Variants in PCDHA4 observed in about 807,000 individuals in gnomAD.
PCDHA4 encodes protocadherin alpha-4.
PCDHA4 carries 49 observed loss-of-function variants against 61.4 expected under a neutral mutation model. The ratio of observed to expected loss-of-function variants is 0.80; its 90% confidence interval spans 0.63 to 1.01. The LOEUF is 1.01. PCDHA4 is among the 50% of genes least tolerant of loss of function. The pLI is 0.00. For missense variants in PCDHA4, 1,254 were observed against 1,235.8 expected (o/e 1.01, Z -0.22); for synonymous variants, 590 against 550.3 (o/e 1.07, Z -1.01).
rs2150166927 is a variant in PCDHA4, at chr5:140,829,387, G to A, written c.2385+19815G>A. On this transcript the variant is annotated intron_variant, in intron 1 of 3. Coordinates refer to ENST00000530339, the MANE Select transcript of PCDHA4 (RefSeq NM_018907.4). ...TGGTAACCGCGCGGGACGGGGGCTC[G>A]CCTTCGCTGTGGGCCACCGCCAGCT... 10 of 1,614,054 alleles carry A rather than the reference G, an allele frequency of 6.2e-6. No individual in the cohort carries two copies. The Admixed American group carries it at 1.2e-4, about 19-fold the overall frequency.
intron 1 of PCDHA4, chr5:140,857,341 G>C (rs782659858): frequency 1.3e-6 from 2 of 1,598,438 alleles, no homozygotes; most frequent in Non-Finnish European, 1.7e-6. Context: ...ACGGGGGCTC[G>C]CCTCCGCTGT....
chr5:140,855,736 A>T (rs1422055740), intron 1 of PCDHA4: 3 of 305,736 alleles, frequency 9.8e-6, no homozygotes, highest in African/African-American at 6.5e-5. Context: ...CTATAAAGAG[A>T]CGTAATGTGA....
intron 1 of PCDHA4, chr5:140,828,454 G>A (rs146288766): frequency 6.2e-7 from 1 of 1,614,124 alleles, no homozygotes; most frequent in African/African-American, 1.3e-5. Context: ...ATGTGGACGT[G>A]GAGGTGAGGG....
At chr5:140,850,361 C>T in intron 1 of PCDHA4, 1 of 1,597,860 alleles carries the variant, frequency 6.3e-7, no homozygotes, top group Non-Finnish European at 8.6e-7. Flanking sequence ...GCATCCCGTT[C>T]CGCGTGGGGC....
intron 1 of PCDHA4, among the ~76,000 whole-genome samples, chr5:140,886,851 AG>A (rs2061199020): frequency 6.6e-6 from 1 of 151,608 alleles, no homozygotes; most frequent in South Asian, 2.1e-4. Context: ...AAAAAAAGAA[AG>A]GTCTTCCCAA....
chr5:140,875,363 A>G, intron 1 of PCDHA4: 1 of 1,449,052 alleles, frequency 6.9e-7, no homozygotes, highest in Non-Finnish European at 9.1e-7. Flanking sequence ...GATGCTGGAA[A>G]AAATTTACTA....
intron 1 of PCDHA4, chr5:140,882,333 C>T (rs1052199425): frequency 3.8e-5 from 61 of 1,614,102 alleles, no homozygotes; most frequent in Non-Finnish European, 5.0e-5. Flanking sequence ...CTGATCCTCG[C>T]AGCCTGGGAG....
intron 1 of PCDHA4, among the ~76,000 whole-genome samples, chr5:140,874,944 G>A (rs2055185348): frequency 6.6e-6 from 1 of 152,170 alleles, no homozygotes; most frequent in Non-Finnish European, 1.5e-5. Context: ...TGAAACAGCG[G>A]AATTGTAAGC....
At chr5:140,873,843 T>C (rs2054523917) in intron 1 of PCDHA4, among the ~76,000 whole-genome samples, 1 of 152,144 alleles carries the variant, frequency 6.6e-6, no homozygotes, top group Non-Finnish European at 1.5e-5. Context: ...GTATTTTTAG[T>C]AGAGATGGGT....
intron 3 of PCDHA4, among the ~76,000 whole-genome samples, chr5:140,998,707 A>G (rs1230153468): frequency 6.6e-6 from 1 of 151,942 alleles, no homozygotes; most frequent in African/African-American, 2.4e-5. Flanking sequence ...TGGGATTACA[A>G]GCTTGCACCA....
chr5:140,974,182 A>G (rs2096618692), intron 1 of PCDHA4, among the ~76,000 whole-genome samples: 1 of 152,248 alleles, frequency 6.6e-6, no homozygotes, highest in Non-Finnish European at 1.5e-5. Context: ...AACTTGACAA[A>G]TGCAAAGGAA....
At chr5:140,928,998 C>T (rs1448389331) in intron 1 of PCDHA4, 5 of 1,613,784 alleles carry the variant, frequency 3.1e-6, no homozygotes, top group Non-Finnish European at 4.2e-6. Flanking sequence ...TACTTTTCTT[C>T]GTGTGTACCA....
At chr5:140,852,634 G>C (rs1450409196) in intron 1 of PCDHA4, 2 of 955,260 alleles carry the variant, frequency 2.1e-6, no homozygotes, top group African/African-American at 3.6e-5. Flanking sequence ...CTGAGCTCCT[G>C]TCATTAAACC....
At chr5:140,826,341 C>G (rs2150143506) in intron 1 of PCDHA4, among the ~76,000 whole-genome samples, 21 of 152,068 alleles carry the variant, frequency 1.4e-4, no homozygotes, top group South Asian at 6.2e-4. Flanking sequence ...GAAATTGAAC[C>G]CTTTGTTTGC....
chr5:140,841,857 T>G (rs182904804), intron 1 of PCDHA4: 1 of 1,613,742 alleles, frequency 6.2e-7, no homozygotes, highest in Non-Finnish European at 8.5e-7. Context: ...GATTACTTCA[T>G]GCTAGATGTG....
intron 1 of PCDHA4, chr5:140,929,554 C>A (rs899446101): frequency 6.1e-6 from 3 of 488,410 alleles, no homozygotes; most frequent in African/African-American, 4.0e-5. Flanking sequence ...AAAATTAAAA[C>A]CTATTTAAGA....
rs1368212237 is a variant in PCDHA4 at position 140,829,797 on chromosome 5, G to A, written c.2385+20225G>A. 1.8e-5 allele frequency: 29 copies of A among 1,613,734 alleles called. No individual in the cohort carries two copies. The highest frequency in any genetic ancestry group is 2.4e-5 in the Non-Finnish European group (28 of 1,179,884). Reference sequence around the variant, plus strand: ...AACGCGCCGGCGCTGCTGGCGCCTCGGGTGGGTGGTACTGGTGGTGCAGTG... The same window carrying A: ...AACGCGCCGGCGCTGCTGGCGCCTCAGGTGGGTGGTACTGGTGGTGCAGTG... On this transcript the variant is annotated intron_variant, in intron 1 of 3. Coordinates refer to ENST00000530339, the MANE Select transcript of PCDHA4 (RefSeq NM_018907.4).
At chr5:140,832,937 G>C (rs1470692327) in intron 1 of PCDHA4, among the ~76,000 whole-genome samples, 3 of 152,104 alleles carry the variant, frequency 2.0e-5, no homozygotes, top group Admixed American at 1.3e-4. Flanking sequence ...TGAGAAGAGA[G>C]TAACTTAAGT....
intron 1 of PCDHA4, chr5:140,850,866 G>T: frequency 6.3e-7 from 1 of 1,592,796 alleles, no homozygotes; most frequent in Non-Finnish European, 8.6e-7. Flanking sequence ...AGAACCCTCT[G>T]CTTCCTCAGA....
Sources: gnomAD v4.1 joint callset for allele counts (sites outside exome capture counted in the v4.1 genomes callset) on GRCh38, gnomAD v4.1.1 for gene constraint, MANE v1.5 for transcripts, NCBI Gene and HGNC (gene_info 2026-07-23, HGNC 2026-07-21) for gene names.